The following CCBE1 variants were observed in gnomAD, a reference collection of about 807,000 sequenced individuals.
CCBE1 encodes the protein collagen and calcium-binding EGF domain-containing protein 1.
Under a neutral mutation model 50.0 loss-of-function variants are expected in CCBE1, and 37 were observed. That is an observed-to-expected ratio of 0.74 (90% CI 0.57 to 0.97). The LOEUF is 0.97. Among genes scored for constraint, CCBE1 ranks in the 50% least tolerant of loss-of-function variants. The pLI, the probability that CCBE1 is intolerant of heterozygous loss-of-function variation, is 0.00. For missense variants in CCBE1, 538 were observed against 523.8 expected (o/e 1.03, Z -0.26); for synonymous variants, 234 against 203.7 (o/e 1.15, Z -1.27).
chr18:59,466,161 C>G (rs1911731210), intron 5 of CCBE1, among the ~76,000 whole-genome samples: 1 of 151,902 alleles, frequency 6.6e-6, no homozygotes. Context: ...TATGGTTTAG[C>G]TGTGTCCCCA....
intron 2 of CCBE1, among the ~76,000 whole-genome samples, chr18:59,637,416 G>T (rs2053929137): frequency 6.6e-6 from 1 of 151,886 alleles, no homozygotes; most frequent in Non-Finnish European, 1.5e-5. Flanking sequence ...ATTACAAAGA[G>T]GTGTGTTAAA....
intron 7 of CCBE1, among the ~76,000 whole-genome samples, chr18:59,447,077 T>G (rs1443276374): frequency 6.6e-6 from 1 of 152,174 alleles, no homozygotes; most frequent in East Asian, 1.9e-4. Context: ...TATTTCCTGA[T>G]GAAATGATAG....
intron 2 of CCBE1, among the ~76,000 whole-genome samples, chr18:59,681,836 A>C (rs1311386698): frequency 6.6e-6 from 1 of 152,254 alleles, no homozygotes; most frequent in African/African-American, 2.4e-5. Flanking sequence ...AGTACTGCAG[A>C]GTCTCCCTCA....
At chr18:59,505,340 G>T (rs911564733) in intron 2 of CCBE1, among the ~76,000 whole-genome samples, 13 of 152,180 alleles carry the variant, frequency 8.5e-5, no homozygotes, top group Non-Finnish European at 2.9e-5. Flanking sequence ...TTGAGCCTGA[G>T]GCCACAGGCT....
chr18:59,504,028 C>T (rs1913753229), intron 2 of CCBE1, among the ~76,000 whole-genome samples: 1 of 152,178 alleles, frequency 6.6e-6, no homozygotes. Context: ...ATCATTTCCC[C>T]AGGATCTGGC....
chr18:59,672,004 T>A (rs1421272924), intron 2 of CCBE1, among the ~76,000 whole-genome samples: 1 of 152,146 alleles, frequency 6.6e-6, no homozygotes, highest in Non-Finnish European at 1.5e-5. Context: ...GATCAAGGAC[T>A]TCAGCCATGG....
At chr18:59,488,075 A>G (rs1285576046) in intron 2 of CCBE1, among the ~76,000 whole-genome samples, 3 of 152,256 alleles carry the variant, frequency 2.0e-5, no homozygotes, top group Non-Finnish European at 4.4e-5. Flanking sequence ...GCTAAGTGAA[A>G]TAAGCCCAAC....
chr18:59,578,490 A>G (rs531567800), intron 2 of CCBE1, among the ~76,000 whole-genome samples: 99 of 152,338 alleles, frequency 6.5e-4, no homozygotes, highest in Admixed American at 1.4e-3. Flanking sequence ...ATAAAGGCAC[A>G]TACACACGTA....
rs1910105512 is a variant in CCBE1, at chr18:59,435,380, A to T, written c.*528T>A. Reference sequence around the variant, plus strand: ...GATACAATATTTAAAGTCTACTAGAAGCACAAGGAAAAAATTCTCCACCAA... The same window carrying T: ...GATACAATATTTAAAGTCTACTAGATGCACAAGGAAAAAATTCTCCACCAA... On this transcript the variant is annotated 3_prime_UTR_variant, in exon 11 of 11. Coordinates refer to ENST00000439986, the MANE Select transcript of CCBE1 (RefSeq NM_133459.4). 1 of 164,070 alleles carries T rather than the reference A, an allele frequency of 6.1e-6. No homozygotes were observed. Among genetic ancestry groups the T allele is most frequent in the Non-Finnish European group, 1.3e-5 (1 of 74,746 alleles). The allele number at this position is 164,070 out of a possible 1,614,324, so 10.2% of individuals were successfully genotyped here. A position where few individuals can be genotyped will look rare whatever the true frequency, so the allele number is the denominator to read the frequency against.
intron 2 of CCBE1, among the ~76,000 whole-genome samples, chr18:59,615,546 T>C (rs1391393750): frequency 1.3e-5 from 2 of 152,116 alleles, no homozygotes; most frequent in African/African-American, 4.8e-5. Flanking sequence ...TTTCACTGTA[T>C]TTGGTATATA....
At chr18:59,594,824 C>T (rs907338304) in intron 2 of CCBE1, among the ~76,000 whole-genome samples, 1 of 152,012 alleles carries the variant, frequency 6.6e-6, no homozygotes, top group African/African-American at 2.4e-5. Flanking sequence ...TTAAGAATAG[C>T]AGTTCTCAGC....
At chr18:59,638,035 A>G (rs2053936741) in intron 2 of CCBE1, among the ~76,000 whole-genome samples, 1 of 152,206 alleles carries the variant, frequency 6.6e-6, no homozygotes, top group Non-Finnish European at 1.5e-5. Context: ...TGAGAAAAGA[A>G]AATTACAGGA....
chr18:59,694,124 C>T lies in CCBE1; in HGVS notation c.212+2505G>A, dbSNP rs1307750691. Among the ~76,000 whole-genome samples the T allele has an allele frequency of 2.0e-5, 3 of 152,032 alleles. No individual in the cohort carries two copies. In the East Asian group the frequency reaches 5.8e-4, roughly 29 times the overall value. On this transcript the variant is annotated intron_variant, in intron 2 of 10. Coordinates refer to ENST00000439986, the MANE Select transcript of CCBE1 (RefSeq NM_133459.4). ...TGACCTCATGACCCACCCACCTCCG[C>T]CTCCCAAAGTGCTGGGATTACAGGC... is the stretch of plus-strand genomic sequence containing the variant.
chr18:59,499,627 A>G (rs1913521480), intron 2 of CCBE1, among the ~76,000 whole-genome samples: 1 of 152,178 alleles, frequency 6.6e-6, no homozygotes, highest in South Asian at 2.1e-4. Flanking sequence ...TATCATGAGA[A>G]CAGCACGGGA....
intron 2 of CCBE1, among the ~76,000 whole-genome samples, chr18:59,583,350 G>A (rs1416258948): frequency 2.0e-5 from 3 of 152,134 alleles, no homozygotes; most frequent in Non-Finnish European, 2.9e-5. Context: ...TGGATGAAAA[G>A]GAACTTCAAG....
At chr18:59,599,826 A>T (rs1361604680) in intron 2 of CCBE1, among the ~76,000 whole-genome samples, 1 of 152,230 alleles carries the variant, frequency 6.6e-6, no homozygotes, top group Non-Finnish European at 1.5e-5. Context: ...AGACTTAGGC[A>T]TTTCTAAAGT....
chr18:59,623,090 A>G (rs1274892967), intron 2 of CCBE1, among the ~76,000 whole-genome samples: 2 of 152,122 alleles, frequency 1.3e-5, no homozygotes, highest in African/African-American at 4.8e-5. Context: ...GGGGGCACAG[A>G]ATGTTGGTAG....
rs533107921 is a variant in CCBE1, at chr18:59,469,158, T to A, written c.400+315A>T. On this transcript the variant is annotated intron_variant, in intron 4 of 10. Transcript: ENST00000439986. ...GAGAATGTTTATTCTTGTTTTGTTC[T>A]GTCTGCGTTTTTACTTTTCTGACCA... is the stretch of plus-strand genomic sequence containing the variant. Among the ~76,000 whole-genome samples the A allele has an allele frequency of 2.0e-5, 3 of 152,374 alleles. No individual in the cohort carries two copies. The East Asian group carries it at 5.8e-4, about 29-fold the overall frequency.
intron 5 of CCBE1, among the ~76,000 whole-genome samples, chr18:59,456,396 C>G (rs1272036356): frequency 2.0e-5 from 3 of 152,124 alleles, no homozygotes; most frequent in African/African-American, 7.2e-5. Context: ...AAGATGGGAT[C>G]CTAGTCCAAT....
Sources: gnomAD v4.1 joint callset for allele counts (sites outside exome capture counted in the v4.1 genomes callset) on GRCh38, gnomAD v4.1.1 for gene constraint, MANE v1.5 for transcripts, NCBI Gene and HGNC (gene_info 2026-07-23, HGNC 2026-07-21) for gene names.